WIPF2: variants seen among roughly 807,000 people sequenced by gnomAD.
WIPF2 encodes the protein WAS/WASL-interacting protein family member 2.
WIPF2 carries 23 observed loss-of-function variants against 38.8 expected under a neutral mutation model. The observed-to-expected ratio is 0.59, with a 90% CI of 0.43 to 0.84. The LOEUF (loss-of-function observed/expected upper bound fraction) is 0.84, where lower values mean the gene tolerates loss of function less well. Ranked by LOEUF, WIPF2 falls within the 40% of genes least tolerant of loss-of-function variation. The pLI, the probability that WIPF2 is intolerant of heterozygous loss-of-function variation, is 0.00. For synonymous variants in WIPF2, 210 were observed against 223.2 expected, an observed-to-expected ratio of 0.94 and a Z score of 0.53; for missense variants, 574 against 580.5, an observed-to-expected ratio of 0.99 and a Z score of 0.11.
At chr17:40,276,973 A>G (rs78201730) in intron 6 of WIPF2, 110 bp from the exon 7 acceptor site, 38,881 of 946,348 alleles carry the variant, frequency 0.041, 986 homozygotes, top group South Asian at 0.051. Flanking sequence ...AGGTCCTCAC[A>G]GTACCTCAGA....
At chr17:40,261,868 A>G (rs544343939) in intron 3 of WIPF2, among the ~76,000 whole-genome samples, 45 of 147,960 alleles carry the variant, frequency 3.0e-4, no homozygotes, top group Non-Finnish European at 6.0e-4. Flanking sequence ...TTGTATTTTT[A>G]GTAGAGATGG....
chr17:40,219,495 C>A lies in WIPF2; in HGVS notation c.-70+3C>A. Reference sequence around the variant, plus strand: ...GCTCCCAGAGCAGCTGCGGCCAGGTCGGAAAGAGGCCGGGGCGGCTGGGTC... The same window carrying A: ...GCTCCCAGAGCAGCTGCGGCCAGGTAGGAAAGAGGCCGGGGCGGCTGGGTC... On this transcript the variant is annotated splice_donor_region_variant and intron_variant, in intron 1 of 7. Coordinates refer to ENST00000323571, the MANE Select transcript of WIPF2 (RefSeq NM_133264.5). 6.4e-6 allele frequency: 1 copy of A among 157,076 alleles called. No homozygotes were observed. Among genetic ancestry groups the A allele is most frequent in the South Asian group, 1.5e-4 (1 of 6,892 alleles). The allele number at this position is 157,076 out of a possible 1,614,324, so 9.7% of individuals were successfully genotyped here.
intron 1 of WIPF2, among the ~76,000 whole-genome samples, chr17:40,250,218 T>C (rs1567716389): frequency 7.5e-6 from 1 of 133,700 alleles, no homozygotes; most frequent in Non-Finnish European, 1.6e-5. Context: ...AATTTTATCA[T>C]GTTTTTTTTT....
intron 1 of WIPF2, among the ~76,000 whole-genome samples, chr17:40,243,322 A>G (rs1035992068): frequency 2.6e-5 from 4 of 152,198 alleles, no homozygotes; most frequent in African/African-American, 9.6e-5. Flanking sequence ...GGCTTTAAAA[A>G]AAATCTGGGG....
At chr17:40,230,348 A>G (rs2030687398) in intron 1 of WIPF2, among the ~76,000 whole-genome samples, 1 of 152,194 alleles carries the variant, frequency 6.6e-6, no homozygotes, top group South Asian at 2.1e-4. Context: ...TCAAAAAACA[A>G]CAACTAAAAG....
intron 1 of WIPF2, among the ~76,000 whole-genome samples, chr17:40,235,513 C>T (rs1176240188): frequency 6.6e-6 from 1 of 150,772 alleles, no homozygotes; most frequent in Non-Finnish European, 1.5e-5. Flanking sequence ...CATTGAAGCA[C>T]ATTAGTGGAG....
At chr17:40,249,016 C>T (rs1598481484) in intron 1 of WIPF2, among the ~76,000 whole-genome samples, 2 of 151,918 alleles carry the variant, frequency 1.3e-5, no homozygotes, top group East Asian at 3.9e-4. Flanking sequence ...AGTTTTTTTC[C>T]CTTTTGGGAT....
intron 4 of WIPF2, among the ~76,000 whole-genome samples, chr17:40,263,964 A>G (rs1348686595): frequency 1.3e-5 from 2 of 152,210 alleles, no homozygotes; most frequent in Non-Finnish European, 2.9e-5. Context: ...ATAAATACAT[A>G]AAATTATTAC....
intron 5 of WIPF2, 70 bp from the exon 6 acceptor site, chr17:40,273,720 T>G: frequency 1.0e-6 from 1 of 966,968 alleles, no homozygotes; most frequent in Non-Finnish European, 1.7e-6. Context: ...TTTTAGCTCA[T>G]GTGTTTCAAG....
chr17:40,245,425 C>T (rs2031332438), intron 1 of WIPF2, among the ~76,000 whole-genome samples: 1 of 151,976 alleles, frequency 6.6e-6, no homozygotes, highest in African/African-American at 2.4e-5. Context: ...TTACTGCAAC[C>T]TCCACCTCCC....
chr17:40,262,033 T>G (rs1359340851), intron 3 of WIPF2, among the ~76,000 whole-genome samples: 3 of 151,572 alleles, frequency 2.0e-5, no homozygotes, highest in African/African-American at 7.3e-5. Context: ...CACAAAGCTG[T>G]GGAGCAGAGA....
intron 1 of WIPF2, among the ~76,000 whole-genome samples, chr17:40,247,439 G>T (rs546136576): frequency 1.1e-3 from 171 of 149,402 alleles, no homozygotes; most frequent in Non-Finnish European, 1.8e-3. Flanking sequence ...GGCTAGTCTC[G>T]AACTCCTGAC....
chr17:40,251,093 C>T (rs937090082), intron 1 of WIPF2, among the ~76,000 whole-genome samples: 1 of 151,496 alleles, frequency 6.6e-6, no homozygotes, highest in African/African-American at 2.4e-5. Context: ...TTTTATGTTT[C>T]TTAGTAGAGA....
rs777798519 is a variant in WIPF2, at chr17:40,273,802, C to T, written c.983C>T (p.Pro328Leu). The T allele has an allele frequency of 2.5e-6, 4 of 1,606,618 alleles. No individual in the cohort carries two copies. The highest frequency in any genetic ancestry group is 4.5e-5 in the East Asian group (2 of 44,708). Residue 328 changes from proline (P) to leucine (L), a missense_variant, in exon 6 of 8, where the codon CCA (proline) becomes CTA (leucine). Transcript: ENST00000323571. ...ATTTTAATTGCAGCTCCTCCACCCC[C>T]ACCACCTGTGATCCGAAATGGTGCC... is the stretch of plus-strand genomic sequence containing the variant. ...PPSRGAAPPP[P>L]PPVIRNGARD...
intron 6 of WIPF2, among the ~76,000 whole-genome samples, chr17:40,276,761 A>G (rs1192386999): frequency 6.6e-6 from 1 of 152,094 alleles, no homozygotes; most frequent in East Asian, 1.9e-4. Flanking sequence ...AAAAATACAG[A>G]AAACTAGCCG....
In WIPF2 at chr17:40,250,219, G is replaced by GTTTTTTTTTTTT. The variant is rs1170849046; in HGVS notation, c.-69-6155_-69-6144dup. Among the ~76,000 whole-genome samples the GTTTTTTTTTTTT allele has an allele frequency of 1.9e-4, 12 of 62,548 alleles. 4 individuals are homozygous for GTTTTTTTTTTTT. Among genetic ancestry groups the GTTTTTTTTTTTT allele is most frequent in the Non-Finnish European group, 2.7e-4 (9 of 32,774 alleles). The allele number at this position is 62,548 out of a possible 152,430, so 41.0% of individuals were successfully genotyped here. The stretch of plus-strand genomic sequence containing the variant: ...GGATGTGCAAAGCGAATTTTATCAT[G>GTTTTTTTTTTTT]TTTTTTTTTTTTTTTTTTTTTTTTT... On this transcript the variant is annotated intron_variant, in intron 1 of 7. Coordinates refer to ENST00000323571, the MANE Select transcript of WIPF2 (RefSeq NM_133264.5).
rs938982713 is a variant in WIPF2 at position 40,283,725 on chromosome 17, T to A, written c.*5500T>A. 7.2e-5 allele frequency: 11 copies of A among 152,208 alleles called. No homozygotes were observed. Among genetic ancestry groups the A allele is most frequent in the African/African-American group, 2.7e-4 (11 of 41,454 alleles). The allele number at this position is 152,208 out of a possible 1,614,324, so 9.4% of individuals were successfully genotyped here. On this transcript the variant is annotated 3_prime_UTR_variant, in exon 8 of 8. Coordinates refer to ENST00000323571, the MANE Select transcript of WIPF2 (RefSeq NM_133264.5). ...AAGGGTGGGGACAAAGCATACAGAA[T>A]GTGTGTATCTGTTTTTATGTGGGTG... is the stretch of plus-strand genomic sequence containing the variant.
chr17:40,264,346 AAAAAAAAGAAAAAC>A, intron 4 of WIPF2, 130 bp from the exon 5 acceptor site: 1 of 671,062 alleles, frequency 1.5e-6, no homozygotes, highest in Non-Finnish European at 2.4e-6. Context: ...AAAAAAAAAA[AAAAAAAAGAAAAAC>A]AAAAAACCCA....
At position 40,264,847 on chromosome 17, in the gene WIPF2, C is replaced by T. The variant is rs746526824; in HGVS notation, c.671C>T (p.Pro224Leu). The change falls in exon 5 of 8, where the codon CCT becomes CTT. Residue 224 changes from proline to leucine, a missense_variant. Transcript: ENST00000323571. Reference protein sequence around the residue: ...GQRLHPGREGPPAPPPVKPPP... With the variant: ...GQRLHPGREGLPAPPPVKPPP... ...AGGCTTCACCCTGGTCGAGAGGGAC[C>T]TCCTGCTCCACCCCCAGTCAAACCA... 3.7e-6 allele frequency: 6 copies of T among 1,614,066 alleles called. No individual in the cohort carries two copies. Among genetic ancestry groups the T allele is most frequent in the Non-Finnish European group, 4.2e-6 (5 of 1,180,050 alleles).
Sources: allele counts gnomAD v4.1 joint callset (sites outside exome capture counted in the v4.1 genomes callset), GRCh38; gene constraint gnomAD v4.1.1; transcripts MANE v1.5; gene names NCBI Gene and HGNC (gene_info 2026-07-23, HGNC 2026-07-21).